Variants in ATG10 observed in about 807,000 individuals in gnomAD.
ATG10 encodes the protein autophagy related 10.
In ATG10, 30 loss-of-function variants were observed where a neutral mutation model predicts 32.1. That is an observed-to-expected ratio of 0.94 (90% CI 0.70 to 1.27). The LOEUF is 1.27. ATG10 is among the 50% of genes most tolerant of loss of function. ATG10 has a pLI of 0.00. For missense variants in ATG10, 233 were observed against 262.3 expected, an observed-to-expected ratio of 0.89 and a Z score of 0.77; for synonymous variants, 87 against 91.5, an observed-to-expected ratio of 0.95 and a Z score of 0.28.
intron 1 of ATG10, among the ~76,000 whole-genome samples, chr5:81,984,819 T>G (rs1319109649): frequency 6.6e-6 from 1 of 152,246 alleles, no homozygotes; most frequent in African/African-American, 2.4e-5. Flanking sequence ...GTTGAAATAT[T>G]CTTGCTTGAT....
intron 2 of ATG10, among the ~76,000 whole-genome samples, chr5:82,013,348 C>G (rs1180658281): frequency 6.6e-6 from 1 of 152,194 alleles, no homozygotes; most frequent in African/African-American, 2.4e-5. Context: ...AGTTACTTCA[C>G]TTATAATAAT....
At chr5:82,194,632 G>A (rs1396261937) in intron 5 of ATG10, among the ~76,000 whole-genome samples, 1 of 152,168 alleles carries the variant, frequency 6.6e-6, no homozygotes, top group Admixed American at 6.5e-5. Flanking sequence ...ATTTTGTTGA[G>A]TGATTGAATA....
chr5:81,982,104 A>G (rs886859968), intron 1 of ATG10, among the ~76,000 whole-genome samples: 3 of 152,252 alleles, frequency 2.0e-5, no homozygotes, highest in African/African-American at 7.2e-5. Flanking sequence ...TCACAAAACA[A>G]AAACAAAAAC....
At chr5:82,139,533 G>C (rs1467464709) in intron 3 of ATG10, among the ~76,000 whole-genome samples, 1 of 119,196 alleles carries the variant, frequency 8.4e-6, no homozygotes, top group Non-Finnish European at 1.8e-5. Flanking sequence ...GCCCGGCCGA[G>C]ACCCCGTCTG....
chr5:82,139,870 G>C (rs1481099320), intron 3 of ATG10, among the ~76,000 whole-genome samples: 7 of 132,392 alleles, frequency 5.3e-5, no homozygotes, highest in Non-Finnish European at 1.1e-4. Flanking sequence ...CCGGCCAGCC[G>C]CCCCGTCCGG....
chr5:82,091,091 C>T (rs1174565642), intron 3 of ATG10, among the ~76,000 whole-genome samples: 2 of 152,264 alleles, frequency 1.3e-5, no homozygotes, highest in Non-Finnish European at 2.9e-5. Context: ...TGAATTTCTA[C>T]TTGATGTGAT....
chr5:82,203,054 C>G (rs1380034272), intron 5 of ATG10, among the ~76,000 whole-genome samples: 4 of 151,978 alleles, frequency 2.6e-5, no homozygotes, highest in Non-Finnish European at 5.9e-5. Flanking sequence ...GTGGCAAAAC[C>G]CCGTCTCTAC....
At chr5:82,049,146 C>T (rs1158506035) in intron 2 of ATG10, among the ~76,000 whole-genome samples, 1 of 151,418 alleles carries the variant, frequency 6.6e-6, no homozygotes, top group African/African-American at 2.4e-5. Flanking sequence ...TTGGAACCAA[C>T]CCAAATGTCC....
chr5:82,181,678 G>A (rs922037197), intron 5 of ATG10, among the ~76,000 whole-genome samples: 7 of 152,048 alleles, frequency 4.6e-5, no homozygotes, highest in African/African-American at 1.7e-4. Flanking sequence ...ATAATAATAT[G>A]CTGTCCTCCA....
chr5:82,162,357 C>T (rs1743389231), intron 3 of ATG10, among the ~76,000 whole-genome samples: 1 of 152,050 alleles, frequency 6.6e-6, no homozygotes. Context: ...CTTAAAAATT[C>T]ATCAACAGGC....
intron 2 of ATG10, among the ~76,000 whole-genome samples, chr5:82,041,650 A>C (rs1321386953): frequency 2.0e-5 from 3 of 152,210 alleles, no homozygotes; most frequent in African/African-American, 7.2e-5. Context: ...CAAATATGAA[A>C]ATACAGCTGA....
intron 5 of ATG10, among the ~76,000 whole-genome samples, chr5:82,231,983 G>C (rs1312939767): frequency 6.6e-6 from 1 of 152,162 alleles, no homozygotes; most frequent in East Asian, 1.9e-4. Flanking sequence ...AAAAAGTAAT[G>C]ATAGGTAATA....
At chr5:82,215,876 A>T (rs1244824846) in intron 5 of ATG10, among the ~76,000 whole-genome samples, 1 of 151,830 alleles carries the variant, frequency 6.6e-6, no homozygotes. Flanking sequence ...TGAAGGTTGC[A>T]GTGAGCTGAG....
rs778111766 is a variant in ATG10, at chr5:82,164,512, A to G, written c.330A>G (p.Val110=). 3.1e-6 allele frequency: 5 copies of G among 1,613,408 alleles called. No individual in the cohort carries two copies. The highest frequency in any genetic ancestry group is 4.5e-5 in the East Asian group (2 of 44,858). The change falls in exon 4 of 8, where the codon GTA becomes GTG. Residue 110 remains valine, a synonymous_variant. Transcript: ENST00000282185. ...ATTCCTGTAGCTACCAAGTGCCTGT[A>G]CTTTACTTTAGGGCAAGCTTTTTAG... ...VLYSCSYQVP[V]LYFRASFLDG...
intron 2 of ATG10, among the ~76,000 whole-genome samples, chr5:82,008,620 G>A (rs1044089227): frequency 2.6e-5 from 4 of 152,146 alleles, no homozygotes; most frequent in Admixed American, 1.3e-4. Context: ...TAACAAATAA[G>A]AGCACATGCC....
chr5:82,017,156 T>TA (rs1340675374), intron 2 of ATG10, among the ~76,000 whole-genome samples: 4 of 122,124 alleles, frequency 3.3e-5, no homozygotes, highest in Admixed American at 3.1e-4. Context: ...ATTTTATCTC[T>TA]TTTTTTTTTT....
chr5:82,017,361 T>C (rs961665758), intron 2 of ATG10, among the ~76,000 whole-genome samples: 1 of 152,188 alleles, frequency 6.6e-6, no homozygotes, highest in African/African-American at 2.4e-5. Flanking sequence ...CAGTGACAGT[T>C]TGATGTCCTC....
At chr5:82,205,968 G>C (rs954840949) in intron 5 of ATG10, among the ~76,000 whole-genome samples, 4 of 152,052 alleles carry the variant, frequency 2.6e-5, no homozygotes, top group Admixed American at 2.6e-4. Flanking sequence ...GAGAAAGAGA[G>C]CTATAGAAAA....
chr5:82,203,348 T>C (rs913552717), intron 5 of ATG10, among the ~76,000 whole-genome samples: 9 of 152,122 alleles, frequency 5.9e-5, no homozygotes, highest in Non-Finnish European at 1.2e-4. Context: ...GGGGCAGCCA[T>C]TGGGTCAAAG....
Sources: gnomAD v4.1 joint callset for allele counts (sites outside exome capture counted in the v4.1 genomes callset) on GRCh38, gnomAD v4.1.1 for gene constraint, MANE v1.5 for transcripts, NCBI Gene and HGNC (gene_info 2026-07-23, HGNC 2026-07-21) for gene names.